PDLIM5: variants seen among roughly 807,000 people sequenced by gnomAD.
The protein encoded by PDLIM5 is PDZ and LIM domain protein 5.
A neutral mutation model predicts 64.2 loss-of-function variants in PDLIM5; 34 were observed. That is an observed-to-expected ratio of 0.53 (90% confidence interval 0.40 to 0.71). The LOEUF (loss-of-function observed/expected upper bound fraction) is 0.71. PDLIM5 is among the 30% of genes least tolerant of loss of function. PDLIM5 has a pLI of 0.00. For synonymous variants in PDLIM5, 253 were observed against 269.1 expected (o/e 0.94, Z 0.59); for missense variants, 683 against 733.6 (o/e 0.93, Z 0.80).
At chr4:94,612,982 T>TA (rs1738498364) in intron 7 of PDLIM5, among the ~76,000 whole-genome samples, 1 of 151,378 alleles carries the variant, frequency 6.6e-6, no homozygotes, top group African/African-American at 2.4e-5. Flanking sequence ...AATTTTGGTT[T>TA]ACAAACTCTA....
At chr4:94,494,343 A>G (rs1002701068) in intron 2 of PDLIM5, among the ~76,000 whole-genome samples, 1 of 151,002 alleles carries the variant, frequency 6.6e-6, no homozygotes, top group African/African-American at 2.4e-5. Context: ...TAAGGCTTCA[A>G]TCAATATGGC....
At position 94,654,448 on chromosome 4, in the gene PDLIM5, T is replaced by C. The variant is rs1448646981; in HGVS notation, c.1284-12T>C. ...ATTCTCAAACTTAGTTGGCCTCTTT[T>C]TCTTCTGTCAGAGGACCATTCTTAG... On this transcript the variant is annotated splice_polypyrimidine_tract_variant and intron_variant, in intron 9 of 12. Transcript: ENST00000317968. The C allele has an allele frequency of 6.3e-7, 1 of 1,583,948 alleles. No homozygotes were observed. Among genetic ancestry groups the C allele is most frequent in the Non-Finnish European group, 8.7e-7 (1 of 1,155,878 alleles).
At chr4:94,532,560 C>T (rs551553048) in intron 3 of PDLIM5, among the ~76,000 whole-genome samples, 3 of 152,140 alleles carry the variant, frequency 2.0e-5, no homozygotes, top group African/African-American at 7.2e-5. Flanking sequence ...GCGCCTGGGT[C>T]GTGACTGCCC....
chr4:94,604,582 C>G (rs748908272), intron 7 of PDLIM5, among the ~76,000 whole-genome samples: 1 of 151,992 alleles, frequency 6.6e-6, no homozygotes, highest in Non-Finnish European at 1.5e-5. Context: ...TGCAGTGAGC[C>G]GGGATTGTGC....
At chr4:94,551,188 G>A (rs1732775169) in intron 3 of PDLIM5, among the ~76,000 whole-genome samples, 1 of 151,990 alleles carries the variant, frequency 6.6e-6, no homozygotes, top group Non-Finnish European at 1.5e-5. Context: ...AGCTAGTCTG[G>A]TTCTAACTCA....
At chr4:94,611,040 A>G in intron 7 of PDLIM5, 1 of 1,513,630 alleles carries the variant, frequency 6.6e-7, no homozygotes. Context: ...GTGATTTTTG[A>G]CTTAAAACTC....
At chr4:94,508,405 G>C (rs1329652231) in intron 2 of PDLIM5, among the ~76,000 whole-genome samples, 1 of 152,198 alleles carries the variant, frequency 6.6e-6, no homozygotes, top group African/African-American at 2.4e-5. Flanking sequence ...TAAACAAAGA[G>C]CTGGAAGGAA....
intron 9 of PDLIM5, among the ~76,000 whole-genome samples, chr4:94,648,266 G>GA (rs111344250): frequency 1.9e-4 from 27 of 145,220 alleles, no homozygotes; most frequent in Admixed American, 4.8e-4. Context: ...AAACTACCAA[G>GA]AAAAAAAAAA....
At chr4:94,535,268 G>A (rs572339658) in intron 3 of PDLIM5, among the ~76,000 whole-genome samples, 1 of 152,192 alleles carries the variant, frequency 6.6e-6, no homozygotes, top group African/African-American at 2.4e-5. Context: ...AGAGTCAGAA[G>A]TATCTCAGGA....
intron 7 of PDLIM5, among the ~76,000 whole-genome samples, chr4:94,602,386 A>T (rs566526452): frequency 6.6e-6 from 1 of 152,180 alleles, no homozygotes; most frequent in Non-Finnish European, 1.5e-5. Flanking sequence ...ATATAATTCC[A>T]TCAAAATCTG....
chr4:94,560,651 T>C (rs923368848), intron 3 of PDLIM5, among the ~76,000 whole-genome samples: 5 of 152,228 alleles, frequency 3.3e-5, no homozygotes, highest in African/African-American at 1.2e-4. Context: ...GGCAGTCTGC[T>C]TTTAGCTCTG....
At chr4:94,516,713 G>A (rs1015077606) in intron 2 of PDLIM5, among the ~76,000 whole-genome samples, 6 of 151,802 alleles carry the variant, frequency 4.0e-5, no homozygotes, top group Admixed American at 3.3e-4. Context: ...TTAATTTTTT[G>A]TAGAGATAGG....
chr4:94,478,888 G>GTTTTTTT (rs1725572226), intron 2 of PDLIM5, among the ~76,000 whole-genome samples: 1 of 108,516 alleles, frequency 9.2e-6, no homozygotes, highest in African/African-American at 5.1e-5. Context: ...GGTGTGCTTG[G>GTTTTTTT]TGTTTTTTTT....
At chr4:94,556,617 ATC>A (rs1733355234) in intron 3 of PDLIM5, among the ~76,000 whole-genome samples, 1 of 152,158 alleles carries the variant, frequency 6.6e-6, no homozygotes, top group Non-Finnish European at 1.5e-5. Context: ...GTGAGATGAT[ATC>A]TCATTGTGGT....
Position 94,665,505 on chromosome 4 carries a change from A to T in PDLIM5, c.*1438A>T. The T allele has an allele frequency of 9.1e-6, 6 of 662,874 alleles. No homozygotes were observed. Among genetic ancestry groups the T allele is most frequent in the Non-Finnish European group, 1.1e-5 (6 of 544,408 alleles). The allele number at this position is 662,874 out of a possible 1,614,324, so 41.1% of individuals were successfully genotyped here. A position where few individuals can be genotyped will look rare whatever the true frequency, so the allele number is the denominator to read the frequency against. ...TTAAAAAAAAAAAAAAAAAAAAAAA[A>T]AGAGAGAGAGAGAATAAATAGAAAA... On this transcript the variant is annotated 3_prime_UTR_variant, in exon 13 of 13. Transcript: ENST00000317968.
intron 3 of PDLIM5, among the ~76,000 whole-genome samples, chr4:94,572,558 C>T (rs1419225403): frequency 1.3e-5 from 2 of 152,040 alleles, no homozygotes; most frequent in Non-Finnish European, 2.9e-5. Context: ...TAACTAAAGG[C>T]ACAATAATAA....
chr4:94,583,035 A>C, intron 5 of PDLIM5: 1 of 193,768 alleles, frequency 5.2e-6, no homozygotes, highest in Non-Finnish European at 1.0e-5. Flanking sequence ...CCTTTAGCTT[A>C]TTATTATTAT....
intron 3 of PDLIM5, among the ~76,000 whole-genome samples, chr4:94,536,934 G>A (rs898905113): frequency 5.9e-5 from 9 of 152,104 alleles, no homozygotes; most frequent in Non-Finnish European, 1.0e-4. Flanking sequence ...TGCAAAACAC[G>A]GCAGAGTATT....
At chr4:94,631,065 CTT>C (rs35302992) in intron 8 of PDLIM5, among the ~76,000 whole-genome samples, 152 of 135,626 alleles carry the variant, frequency 1.1e-3, no homozygotes, top group South Asian at 4.0e-3. Flanking sequence ...CCATGCCAAA[CTT>C]TTTTTTTTTT....
Sources: allele counts gnomAD v4.1 joint callset (sites outside exome capture counted in the v4.1 genomes callset), GRCh38; gene constraint gnomAD v4.1.1; transcripts MANE v1.5; gene names NCBI Gene and HGNC (gene_info 2026-07-23, HGNC 2026-07-21).